Variants in LIX1L observed in about 807,000 individuals in gnomAD.
LIX1L encodes the protein limb and CNS expressed 1 like, also known as LIX1-like protein.
Under a neutral mutation model 34.0 loss-of-function variants are expected in LIX1L, and 20 were observed. That is an observed-to-expected ratio of 0.59 (90% CI 0.41 to 0.85). The LOEUF (loss-of-function observed/expected upper bound fraction) is 0.85, where lower values mean the gene tolerates loss of function less well. Ranked by LOEUF, LIX1L falls within the 40% of genes least tolerant of loss-of-function variation. The probability of loss-of-function intolerance (pLI) is 0.00; values close to 1 mark genes in which losing one functional copy is unlikely to be tolerated. For missense variants in LIX1L, 397 were observed against 447.0 expected (o/e 0.89, Z 1.01); for synonymous variants, 170 against 187.4 (o/e 0.91, Z 0.76).
intron 1 of LIX1L, chr1:145,949,179 C>T (rs1553759521): frequency 1.3e-5 from 2 of 152,268 alleles, no homozygotes; most frequent in African/African-American, 2.4e-5. Context: ...CTCATCCCTA[C>T]GTTTTCCTTA....
Position 145,948,111 on chromosome 1 carries a change from C to G in LIX1L, c.293-329G>C, listed in dbSNP as rs1460428708. Among the ~76,000 whole-genome samples, 1 of 152,048 alleles carries G rather than the reference C, an allele frequency of 6.6e-6. No individual in the cohort carries two copies. The highest frequency in any genetic ancestry group is 1.5e-5 in the Non-Finnish European group (1 of 68,008). On this transcript the variant is annotated intron_variant, in intron 1 of 5. Transcript: ENST00000604000. This position sits in a 1 kb window ranked among gnomAD's most constrained non-coding sequence, Gnocchi z 4.0. ...TAACTTAAATATTGAAGGCAGAGTTCCCAATGTCAGCAGACCATTATCACT... is the reference window on the plus strand; with the variant it reads ...TAACTTAAATATTGAAGGCAGAGTTGCCAATGTCAGCAGACCATTATCACT...
At chr1:145,946,801 C>A (rs1553759302) in intron 2 of LIX1L, among the ~76,000 whole-genome samples, 3 of 152,096 alleles carry the variant, frequency 2.0e-5, no homozygotes, top group African/African-American at 7.2e-5. Flanking sequence ...CACAGTAGGG[C>A]CTTTAACCTT....
chr1:145,937,855 C>T (rs1553758044), intron 3 of LIX1L, among the ~76,000 whole-genome samples, 156 bp from the exon 4 acceptor site: 1 of 152,184 alleles, frequency 6.6e-6, no homozygotes. Context: ...AGTCCAGGTG[C>T]AGTGGCTCAT....
At chr1:145,937,058 A>G in intron 4 of LIX1L, 73 bp from the exon 5 acceptor site, 1 of 1,007,630 alleles carries the variant, frequency 9.9e-7, no homozygotes, top group Non-Finnish European at 1.6e-6. Flanking sequence ...TTACATGGGA[A>G]ACCTTTTACA....
chr1:145,957,772 G>A lies in LIX1L; in HGVS notation c.156C>T (p.Pro52=). Residue 52 remains proline, a synonymous_variant, in exon 1 of 6, where the codon CCC becomes CCT. Coordinates refer to ENST00000604000, the MANE Select transcript of LIX1L (RefSeq NM_153713.3). Reference sequence around the variant, plus strand: ...CCCCAGACAGGAGCAGCGGCGGCGGGGGCGGTGCGGGAGGCGGCGGGGCAG... The same window carrying A: ...CCCCAGACAGGAGCAGCGGCGGCGGAGGCGGTGCGGGAGGCGGCGGGGCAG... ...PPPAPPPPAP[P]PPPLLLSGAP... is the part of the protein sequence containing the mutation. The A allele has an allele frequency of 7.4e-7, 1 of 1,346,830 alleles. No homozygotes were observed. The highest frequency in any genetic ancestry group is 1.5e-5 in the African/African-American group (1 of 65,232). The allele number at this position is 1,346,830 out of a possible 1,614,324, so 83.4% of individuals were successfully genotyped here.
At chr1:145,943,185 A>G (rs1045622941) in intron 2 of LIX1L, among the ~76,000 whole-genome samples, 5 of 152,348 alleles carry the variant, frequency 3.3e-5, no homozygotes, top group African/African-American at 1.2e-4. Context: ...TTAGTTACTC[A>G]AAAGTCAGAT....
intron 3 of LIX1L, among the ~76,000 whole-genome samples, chr1:145,938,814 C>T (rs1648769162): frequency 6.6e-6 from 1 of 152,114 alleles, no homozygotes; most frequent in African/African-American, 2.4e-5. Flanking sequence ...TCCTGAACCC[C>T]TGACCTCAGG....
intron 1 of LIX1L, among the ~76,000 whole-genome samples, chr1:145,953,658 A>G (rs1279436517): frequency 7.9e-5 from 12 of 152,338 alleles, no homozygotes; most frequent in African/African-American, 2.6e-4. Context: ...TGAATGTGAC[A>G]TTATCTGGCA....
Position 145,957,896 on chromosome 1 carries a change from G to A in LIX1L, c.32C>T (p.Pro11Leu). 4 of 1,489,294 alleles carry A rather than the reference G, an allele frequency of 2.7e-6. No homozygotes were observed. The highest frequency in any genetic ancestry group is 3.6e-6 in the Non-Finnish European group (4 of 1,123,534). 92.3% of individuals were successfully genotyped at this position (1,489,294 alleles called of 1,614,324 possible). A position where few individuals can be genotyped will look rare whatever the true frequency, so the allele number is the denominator to read the frequency against. Residue 11 changes from proline to leucine, a missense_variant, in exon 1 of 6, where the codon CCT becomes CTT. Pro to Leu is a moderately conservative substitution (Grantham distance 98). Transcript: ENST00000604000. METMRAQRLQ[P>L]GVGTSGRGTL... ...GCCCCTCCCGCTGGTGCCCACACCA[G>A]GCTGCAGCCGCTGCGCTCGCATAGT...
Position 145,936,310 on chromosome 1 carries a change from C to G in LIX1L, c.1014G>C (p.Ter338TyrextTer22). The part of the protein sequence containing the change: ...QLGNMHSSNC[*>Y] ...CCTGGGGAGTTATGTGGGTGGATGCCTAGCAGTTGGAAGAATGCATATTGC... is the reference window on the plus strand; with the variant it reads ...CCTGGGGAGTTATGTGGGTGGATGCGTAGCAGTTGGAAGAATGCATATTGC... The change falls in exon 6 of 6, where the codon TAG becomes TAC. Residue 338 changes from the stop codon to tyrosine (Y), a stop_lost. Transcript: ENST00000604000. 1.2e-6 allele frequency: 2 copies of G among 1,613,916 alleles called. No homozygotes were observed. Among genetic ancestry groups the G allele is most frequent in the Non-Finnish European group, 1.7e-6 (2 of 1,179,864 alleles).
intron 3 of LIX1L, chr1:145,939,709 G>C (rs1648820693): frequency 6.7e-6 from 1 of 148,996 alleles, no homozygotes; most frequent in African/African-American, 2.5e-5. Context: ...TGCAATCTTG[G>C]CTCACTGCAG....
chr1:145,957,470 C>T (rs1035407473), intron 1 of LIX1L, among the ~76,000 whole-genome samples, 166 bp downstream of exon 1: 4 of 152,190 alleles, frequency 2.6e-5, no homozygotes, highest in Non-Finnish European at 5.9e-5. Flanking sequence ...GAGGCTTAAA[C>T]GTGTGTATGA....
In LIX1L at chr1:145,934,883, T is replaced by C. The variant is rs1185402394; in HGVS notation, c.*1427A>G. ...AACAAAACCAAAAAAAAACCACAAA[T>C]AGGCCAGGCTCAGTGCCTCACGCCT... On this transcript the variant is annotated 3_prime_UTR_variant, in exon 6 of 6. Transcript: ENST00000604000. 1 of 150,742 alleles carries C rather than the reference T, an allele frequency of 6.6e-6. No homozygotes were observed. The highest frequency in any genetic ancestry group is 1.5e-5 in the Non-Finnish European group (1 of 67,958). 9.3% of individuals were successfully genotyped at this position (150,742 alleles called of 1,614,324 possible). A position where few individuals can be genotyped will look rare whatever the true frequency, so the allele number is the denominator to read the frequency against.
chr1:145,952,760 G>A (rs1343193782), intron 1 of LIX1L, among the ~76,000 whole-genome samples: 2 of 151,988 alleles, frequency 1.3e-5, no homozygotes, highest in Admixed American at 6.6e-5. Context: ...ACAGGCGCAC[G>A]CCACCACACC....
chr1:145,952,462 A>G (rs1553759911), intron 1 of LIX1L, among the ~76,000 whole-genome samples: 2 of 152,192 alleles, frequency 1.3e-5, no homozygotes, highest in African/African-American at 4.8e-5. Context: ...CACAAGAAAG[A>G]CCAAGATAGG....
chr1:145,957,706 C>G lies in LIX1L; in HGVS notation c.222G>C (p.Pro74=), dbSNP rs1292269663. 8 of 1,503,592 alleles carry G rather than the reference C, an allele frequency of 5.3e-6. No individual in the cohort carries two copies. The highest frequency in any genetic ancestry group is 7.1e-6 in the Non-Finnish European group (8 of 1,132,160). 93.1% of individuals were successfully genotyped at this position (1,503,592 alleles called of 1,614,324 possible). A position where few individuals can be genotyped will look rare whatever the true frequency, so the allele number is the denominator to read the frequency against. ...CCTCCACGGCCTCTCGCAGCACTGC[C>G]GGGCTGCCGGCGGCGCCGGGGGGCA... ...LPLPPGAAGS[P]AVLREAVEAV... Residue 74 remains proline (P), a synonymous_variant, in exon 1 of 6, where the codon CCG becomes CCC. Transcript: ENST00000604000.
At chr1:145,952,799 C>CG (rs1434546073) in intron 1 of LIX1L, among the ~76,000 whole-genome samples, 4 of 151,962 alleles carry the variant, frequency 2.6e-5, no homozygotes, top group African/African-American at 9.7e-5. Flanking sequence ...TTAGTAGAGA[C>CG]GGGGTTTCGC....
intron 2 of LIX1L, among the ~76,000 whole-genome samples, chr1:145,946,172 T>C (rs1649099950): frequency 6.6e-6 from 1 of 150,776 alleles, no homozygotes; most frequent in South Asian, 2.1e-4. Flanking sequence ...CTTGGGTATA[T>C]AGTTATTTCT....
intron 1 of LIX1L, among the ~76,000 whole-genome samples, chr1:145,953,751 T>C (rs1649377910): frequency 6.6e-6 from 1 of 152,110 alleles, no homozygotes; most frequent in Admixed American, 6.5e-5. Flanking sequence ...CATTCACAAG[T>C]GTCCTTATAA....
Sources: allele counts gnomAD v4.1 joint callset (sites outside exome capture counted in the v4.1 genomes callset), GRCh38; gene constraint gnomAD v4.1.1; non-coding constraint Gnocchi (gnomAD v3.1); transcripts MANE v1.5; gene names NCBI Gene and HGNC (gene_info 2026-07-23, HGNC 2026-07-21).